Variants in ABCC9 observed in about 807,000 individuals in gnomAD.
ABCC9 encodes the protein ATP binding cassette subfamily C member 9, also known as ATP-binding cassette sub-family C member 9.
Under a neutral mutation model 188.3 loss-of-function variants are expected in ABCC9, and 95 were observed. The ratio of observed to expected loss-of-function variants is 0.50; its 90% CI spans 0.43 to 0.60. ABCC9 has a LOEUF of 0.60. ABCC9 is among the 20% of genes least tolerant of loss of function. ABCC9 has a pLI of 0.00. For missense variants in ABCC9, 1,102 were observed against 1,876.3 expected, an observed-to-expected ratio of 0.59 and a Z score of 7.62; for synonymous variants, 659 against 652.7, an observed-to-expected ratio of 1.01 and a Z score of -0.15.
chr12:21,834,802 C>CACAT (rs1565718144), intron 30 of ABCC9, among the ~76,000 whole-genome samples: 1 of 151,176 alleles, frequency 6.6e-6, no homozygotes, highest in Non-Finnish European at 1.5e-5. Flanking sequence ...CACACACACA[C>CACAT]ACACACACAC....
chr12:21,823,478 C>T (rs149538469), intron 31 of ABCC9, among the ~76,000 whole-genome samples: 50 of 152,228 alleles, frequency 3.3e-4, no homozygotes, highest in African/African-American at 1.1e-3. Flanking sequence ...CCCTGTCTGT[C>T]GTTGAATTGT....
At chr12:21,938,462 A>G (rs1279705238) in intron 2 of ABCC9, among the ~76,000 whole-genome samples, 1 of 152,186 alleles carries the variant, frequency 6.6e-6, no homozygotes, top group Non-Finnish European at 1.5e-5. Flanking sequence ...TTATAGGTGT[A>G]TGTTAGATGT....
rs554950294 is a variant in ABCC9, at chr12:21,879,645, A to C, written c.2019+3121T>G. 3.3e-5 allele frequency among the ~76,000 whole-genome samples: 5 copies of C among 152,204 alleles called. No homozygotes were observed. The South Asian group carries it at 1.0e-3, about 32-fold the overall frequency. ...AAGAATTTTTTTTTTTTAAATTTAA[A>C]GGCAGGGCACACACAGACCATTGTC... On this transcript the variant is annotated intron_variant, in intron 16 of 39. Coordinates refer to ENST00000261200, the MANE Select transcript of ABCC9 (RefSeq NM_020297.4).
intron 24 of ABCC9, 110 bp downstream of exon 24, chr12:21,851,987 T>C (rs73076387): frequency 0.014 from 17,243 of 1,272,844 alleles, 210 homozygotes; most frequent in Non-Finnish European, 0.015. Flanking sequence ...TAAAGACCAT[T>C]ATATTACAAA....
chr12:21,905,167 A>C (rs531532641), intron 12 of ABCC9, among the ~76,000 whole-genome samples: 1 of 152,310 alleles, frequency 6.6e-6, no homozygotes, highest in African/African-American at 2.4e-5. Context: ...AAACTATTGC[A>C]GGGACAAAAA....
At chr12:21,831,594 A>G (rs2093540415) in intron 30 of ABCC9, among the ~76,000 whole-genome samples, 1 of 152,164 alleles carries the variant, frequency 6.6e-6, no homozygotes, top group South Asian at 2.1e-4. Flanking sequence ...GAGGATCAGC[A>G]CGGTAGGAAA....
Position 21,913,029 on chromosome 12 carries a change from A to G in ABCC9, c.854T>C (p.Ile285Thr). ...AAAAGCTCTGTACATTGCAAGCCAT[A>G]TAGATGGAGTCCGATTTGGATGATC... ...VADHPNRTPS[I>T]WLAMYRAFGR... The change falls in exon 8 of 40, where the codon ATA (isoleucine) becomes ACA (threonine). Residue 285 changes from isoleucine to threonine, a missense_variant. By Grantham distance (89) the Ile-to-Thr change is moderately conservative. Coordinates refer to ENST00000261200, the MANE Select transcript of ABCC9 (RefSeq NM_020297.4). 1 of 1,608,412 alleles carries G rather than the reference A, an allele frequency of 6.2e-7. No individual in the cohort carries two copies. The highest frequency in any genetic ancestry group is 8.5e-7 in the Non-Finnish European group (1 of 1,178,402).
chr12:21,801,556 G>A (rs1279510974), intron 39 of ABCC9, among the ~76,000 whole-genome samples: 1 of 152,194 alleles, frequency 6.6e-6, no homozygotes, highest in African/African-American at 2.4e-5. Context: ...TATCTCTTGT[G>A]TACAGTCACT....
At chr12:21,830,257 A>G (rs1038611599) in intron 30 of ABCC9, among the ~76,000 whole-genome samples, 1 of 152,224 alleles carries the variant, frequency 6.6e-6, no homozygotes, top group Non-Finnish European at 1.5e-5. Context: ...AATCACAACA[A>G]TAGTCTCTTT....
Position 21,905,585 on chromosome 12 carries a change from G to A in ABCC9, c.1618+541C>T, listed in dbSNP as rs561964276. On this transcript the variant is annotated intron_variant, in intron 12 of 39. Coordinates refer to ENST00000261200, the MANE Select transcript of ABCC9 (RefSeq NM_020297.4). Reference sequence around the variant, plus strand: ...ATTGATGCAAAATAATAATAAAAGCGAGATATTTTGTGGCAAAGTTTTCTC... The same window carrying A: ...ATTGATGCAAAATAATAATAAAAGCAAGATATTTTGTGGCAAAGTTTTCTC... Among the ~76,000 whole-genome samples, 8 of 152,066 alleles carry A rather than the reference G, an allele frequency of 5.3e-5. No individual in the cohort carries two copies. In the South Asian group the frequency reaches 6.2e-4, roughly 12 times the overall value.
chr12:21,926,193 C>T, intron 4 of ABCC9, 130 bp from the exon 5 acceptor site: 1 of 1,251,650 alleles, frequency 8.0e-7, no homozygotes, highest in Non-Finnish European at 1.1e-6. Flanking sequence ...ATAGTAGTTT[C>T]CAAGATAATA....
At chr12:21,910,678 T>A in intron 9 of ABCC9, 148 bp downstream of exon 9, 1 of 718,718 alleles carries the variant, frequency 1.4e-6, no homozygotes, top group Non-Finnish European at 2.4e-6. Context: ...GCTCTGTTTC[T>A]TTCATTAAGT....
intron 5 of ABCC9, among the ~76,000 whole-genome samples, chr12:21,919,088 T>C (rs960819126): frequency 3.3e-5 from 5 of 152,182 alleles, no homozygotes; most frequent in African/African-American, 1.2e-4. Flanking sequence ...GCTTTAGATA[T>C]TTATTTTACA....
chr12:21,887,006 A>G (rs1026859075), intron 15 of ABCC9, among the ~76,000 whole-genome samples: 4 of 152,132 alleles, frequency 2.6e-5, no homozygotes, highest in African/African-American at 9.7e-5. Context: ...ACACAGTGAA[A>G]CTATGTTACT....
At chr12:21,898,416 C>T (rs1947535076) in intron 12 of ABCC9, among the ~76,000 whole-genome samples, 1 of 152,178 alleles carries the variant, frequency 6.6e-6, no homozygotes, top group African/African-American at 2.4e-5. Flanking sequence ...GAATCTTGAT[C>T]ATCCTGTCTT....
intron 35 of ABCC9, 139 bp from the exon 36 acceptor site, chr12:21,812,296 C>A: frequency 1.5e-6 from 1 of 677,066 alleles, no homozygotes; most frequent in South Asian, 1.7e-5. Flanking sequence ...TGTGGTGATT[C>A]CTCAAGTATC....
At chr12:21,879,211 G>A (rs1946512849) in intron 16 of ABCC9, among the ~76,000 whole-genome samples, 1 of 152,182 alleles carries the variant, frequency 6.6e-6, no homozygotes, top group Admixed American at 6.5e-5. Flanking sequence ...AAAGATATGG[G>A]CATGCCTAAG....
chr12:21,920,414 C>G (rs56285108), intron 5 of ABCC9, among the ~76,000 whole-genome samples: 356 of 151,986 alleles, frequency 2.3e-3, no homozygotes, highest in Non-Finnish European at 4.2e-3. Context: ...AGTCAACATA[C>G]AAAATCATTT....
At position 21,852,387 on chromosome 12, in the gene ABCC9, T is replaced by TA; in HGVS notation, c.2623dup (p.Tyr875LeufsTer6). The TA allele has an allele frequency of 6.2e-7, 1 of 1,613,994 alleles. No homozygotes were observed. Among genetic ancestry groups the TA allele is most frequent in the Non-Finnish European group, 8.5e-7 (1 of 1,179,986 alleles). On this transcript the variant is annotated frameshift_variant, in exon 23 of 40. Coordinates refer to ENST00000261200, the MANE Select transcript of ABCC9 (RefSeq NM_020297.4). LOFTEE classifies it high-confidence loss of function. ...TCTTACCCAGTCAGCATGCGTCAGA[T>TA]ACTGTAATTTGTGAGTCACAAGAAC...
Sources: gnomAD v4.1 joint callset for allele counts (sites outside exome capture counted in the v4.1 genomes callset) on GRCh38, gnomAD v4.1.1 for gene constraint, MANE v1.5 for transcripts, NCBI Gene and HGNC (gene_info 2026-07-23, HGNC 2026-07-21) for gene names.